Variants in TMEM117 observed in about 807,000 individuals in gnomAD.
TMEM117 encodes the protein transmembrane protein 117.
A neutral mutation model predicts 52.4 loss-of-function variants in TMEM117; 27 were observed. The observed-to-expected ratio is 0.51, with a 90% CI of 0.38 to 0.71. The LOEUF is 0.71. Ranked by LOEUF, TMEM117 falls within the 30% of genes least tolerant of loss-of-function variation. TMEM117 has a pLI of 0.00. For synonymous variants in TMEM117, 215 were observed against 206.3 expected (o/e 1.04, Z -0.36); for missense variants, 556 against 630.5 (o/e 0.88, Z 1.26).
chr12:44,152,040 T>C (rs1181120058), intron 4 of TMEM117, among the ~76,000 whole-genome samples: 39 of 119,592 alleles, frequency 3.3e-4, no homozygotes, highest in African/African-American at 1.3e-3. Flanking sequence ...TAATATATAT[T>C]ATATTAATCA....
Position 44,130,911 on chromosome 12 carries a change from T to A in TMEM117, c.411-12614T>A, listed in dbSNP as rs1372755741. On this transcript the variant is annotated intron_variant, in intron 3 of 7. Transcript: ENST00000266534. Reference sequence around the variant, plus strand: ...CATTGATTTCTGACATTGTGCTTTTTCTGTATATTTTTATCAGTCTTGCCA... The same window carrying A: ...CATTGATTTCTGACATTGTGCTTTTACTGTATATTTTTATCAGTCTTGCCA... 5.3e-5 allele frequency among the ~76,000 whole-genome samples: 8 copies of A among 152,282 alleles called. No individual in the cohort carries two copies. In the East Asian group the frequency reaches 1.5e-3, roughly 29 times the overall value.
the TMEM117 span, among the ~76,000 whole-genome samples, chr12:43,823,406 G>A: frequency 1.8e-3 from 272 of 152,284 alleles, 1 homozygote; most frequent in African/African-American, 6.2e-3. Flanking sequence ...GAGGCTAAAC[G>A]ATGAGATGAT....
chr12:44,031,691 T>C (rs1157237994), intron 3 of TMEM117, among the ~76,000 whole-genome samples: 1 of 152,218 alleles, frequency 6.6e-6, no homozygotes, highest in Non-Finnish European at 1.5e-5. Flanking sequence ...TTGAGTAAAG[T>C]ATACTCAAGA....
chr12:43,805,534 C>A, the TMEM117 span: 2 of 457,266 alleles, frequency 4.4e-6, no homozygotes, highest in Non-Finnish European at 8.8e-6. Flanking sequence ...CTGCAGGCTG[C>A]CCAATTTCAA....
intron 7 of TMEM117, among the ~76,000 whole-genome samples, chr12:44,383,451 C>G (rs565392592): frequency 6.6e-6 from 1 of 152,144 alleles, no homozygotes; most frequent in Non-Finnish European, 1.5e-5. Flanking sequence ...ATAATATCAT[C>G]TCTGACAACC....
intron 3 of TMEM117, among the ~76,000 whole-genome samples, chr12:44,092,496 C>G (rs1299316065): frequency 1.3e-5 from 2 of 152,110 alleles, no homozygotes; most frequent in African/African-American, 4.8e-5. Flanking sequence ...TTAATGCTAG[C>G]TTGTGTAGAA....
chr12:44,159,821 T>C (rs949596026), intron 4 of TMEM117, among the ~76,000 whole-genome samples: 6 of 152,078 alleles, frequency 3.9e-5, no homozygotes, highest in African/African-American at 1.2e-4. Context: ...ATTCAGATGG[T>C]TCTTGATAAT....
chr12:44,055,722 C>T (rs1168370959), intron 3 of TMEM117, among the ~76,000 whole-genome samples: 1 of 152,110 alleles, frequency 6.6e-6, no homozygotes, highest in African/African-American at 2.4e-5. Flanking sequence ...GTATCTTAAA[C>T]ATATTGAATA....
intron 5 of TMEM117, among the ~76,000 whole-genome samples, chr12:44,254,735 G>T (rs957367304): frequency 6.6e-6 from 1 of 151,814 alleles, no homozygotes; most frequent in African/African-American, 2.4e-5. Context: ...GTATACATGT[G>T]CCATGTTGAT....
At chr12:43,854,094 A>T (rs954702506) in intron 2 of TMEM117, among the ~76,000 whole-genome samples, 1 of 152,208 alleles carries the variant, frequency 6.6e-6, no homozygotes, top group South Asian at 2.1e-4. Context: ...CCAGTCTTCT[A>T]TCTTTAGACT....
At chr12:44,057,864 C>T (rs1271579763) in intron 3 of TMEM117, among the ~76,000 whole-genome samples, 1 of 152,108 alleles carries the variant, frequency 6.6e-6, no homozygotes, top group Non-Finnish European at 1.5e-5. Flanking sequence ...CTGTGTAAAG[C>T]TGATTTCTTC....
chr12:44,107,145 CA>C (rs1318452997), intron 3 of TMEM117, among the ~76,000 whole-genome samples: 1 of 151,980 alleles, frequency 6.6e-6, no homozygotes, highest in Non-Finnish European at 1.5e-5. Context: ...ACTTAGTTCT[CA>C]AAATAACCTT....
intron 2 of TMEM117, among the ~76,000 whole-genome samples, chr12:43,895,596 A>G (rs1423399011): frequency 6.6e-6 from 1 of 152,206 alleles, no homozygotes; most frequent in Non-Finnish European, 1.5e-5. Flanking sequence ...CTTCAATACA[A>G]CATTATTTAA....
upstream of TMEM117, among the ~76,000 whole-genome samples, chr12:43,831,421 A>G (rs1234014142): frequency 1.3e-5 from 2 of 151,906 alleles, no homozygotes; most frequent in Non-Finnish European, 2.9e-5. Context: ...AATTTTTGAA[A>G]TGTACATTGA....
At chr12:44,332,193 T>C (rs182153303) in intron 6 of TMEM117, among the ~76,000 whole-genome samples, 1 of 152,210 alleles carries the variant, frequency 6.6e-6, no homozygotes, top group East Asian at 1.9e-4. Flanking sequence ...CAGTTTCCCA[T>C]ATCTATAAAA....
At chr12:43,837,135 T>C (rs527764398) in intron 1 of TMEM117, among the ~76,000 whole-genome samples, 49 of 152,322 alleles carry the variant, frequency 3.2e-4, no homozygotes, top group African/African-American at 1.1e-3. Flanking sequence ...TTATGGATTT[T>C]GACATTTTGT....
At chr12:43,930,737 A>G (rs181341815) in intron 2 of TMEM117, among the ~76,000 whole-genome samples, 2 of 152,328 alleles carry the variant, frequency 1.3e-5, no homozygotes, top group East Asian at 1.9e-4. Context: ...AGAAATCAGT[A>G]TAATTATTGT....
At chr12:43,952,842 C>A (rs1945245714) in intron 3 of TMEM117, among the ~76,000 whole-genome samples, 1 of 151,956 alleles carries the variant, frequency 6.6e-6, no homozygotes, top group South Asian at 2.1e-4. Flanking sequence ...CACGTAATCA[C>A]CAGATTCTCC....
intron 2 of TMEM117, among the ~76,000 whole-genome samples, chr12:43,887,068 C>T (rs371271610): frequency 1.6e-3 from 238 of 152,246 alleles, no homozygotes; most frequent in Non-Finnish European, 2.7e-3. Flanking sequence ...AGGCTGGTCT[C>T]GAGCTCCTGA....
Sources: gnomAD v4.1 joint callset for allele counts (sites outside exome capture counted in the v4.1 genomes callset) on GRCh38, gnomAD v4.1.1 for gene constraint, MANE v1.5 for transcripts, NCBI Gene and HGNC (gene_info 2026-07-23, HGNC 2026-07-21) for gene names.